The following TNFAIP8L3 variants were observed in gnomAD, a reference collection of about 807,000 sequenced individuals.
TNFAIP8L3 encodes tumor necrosis factor alpha-induced protein 8-like protein 3.
TNFAIP8L3 carries 7 observed loss-of-function variants against 11.8 expected under a neutral mutation model. The observed-to-expected ratio is 0.59, with a 90% CI of 0.34 to 1.11. TNFAIP8L3 has a LOEUF of 1.11. Ranked by LOEUF, TNFAIP8L3 falls within the 50% of genes most tolerant of loss-of-function variation. The pLI is 0.03. For missense variants in TNFAIP8L3, 219 were observed against 258.6 expected (o/e 0.85, Z 1.05); for synonymous variants, 98 against 103.8 (o/e 0.94, Z 0.34).
chr15:51,087,171 A>C (rs1341362099), intron 1 of TNFAIP8L3, among the ~76,000 whole-genome samples: 1 of 152,130 alleles, frequency 6.6e-6, no homozygotes, highest in East Asian at 1.9e-4. Flanking sequence ...CCCAGCTCAC[A>C]ATTTCTTAAA....
At chr15:51,091,359 C>T (rs967860057) in intron 1 of TNFAIP8L3, among the ~76,000 whole-genome samples, 14 of 152,160 alleles carry the variant, frequency 9.2e-5, no homozygotes, top group African/African-American at 3.4e-4. Context: ...TGTCTTTGTC[C>T]TCTGCCAATA....
chr15:51,058,194 T>G lies in TNFAIP8L3; in HGVS notation c.302A>C (p.Glu101Ala). ...LYRNNQFSQE[E>A]LVIVEKFRKK... ...CCGGAACTTCTCCACAATAACCAGCTCCTCTTGGCTAAACTGGTTGTTCCG... is the reference window on the plus strand; with the variant it reads ...CCGGAACTTCTCCACAATAACCAGCGCCTCTTGGCTAAACTGGTTGTTCCG... The change falls in exon 2 of 2, where the codon GAG (glutamate) becomes GCG (alanine). Residue 101 changes from glutamate to alanine, a missense_variant. By Grantham distance (107) the Glu-to-Ala change is moderately radical. Transcript: ENST00000637513. 1 of 1,614,222 alleles carries G rather than the reference T, an allele frequency of 6.2e-7. No individual in the cohort carries two copies. Among genetic ancestry groups the G allele is most frequent in the Non-Finnish European group, 8.5e-7 (1 of 1,180,048 alleles).
At chr15:51,083,445 G>A (rs1332889358) in intron 1 of TNFAIP8L3, among the ~76,000 whole-genome samples, 1 of 152,188 alleles carries the variant, frequency 6.6e-6, no homozygotes, top group Non-Finnish European at 1.5e-5. Context: ...TGTGGGAAGT[G>A]AATGTCACTC....
chr15:51,081,872 A>G (rs779518847), intron 1 of TNFAIP8L3, among the ~76,000 whole-genome samples: 2 of 152,084 alleles, frequency 1.3e-5, no homozygotes, highest in African/African-American at 4.8e-5. Context: ...CCTTTGTCCA[A>G]CAATTTGCTC....
intron 1 of TNFAIP8L3, among the ~76,000 whole-genome samples, chr15:51,061,426 A>G (rs925976542): frequency 6.6e-6 from 1 of 152,256 alleles, no homozygotes; most frequent in African/African-American, 2.4e-5. Context: ...AAATAGTGAC[A>G]TTTTCAAATT....
intron 1 of TNFAIP8L3, among the ~76,000 whole-genome samples, chr15:51,101,635 A>G (rs941061145): frequency 8.6e-5 from 13 of 151,226 alleles, no homozygotes; most frequent in African/African-American, 3.2e-4. Flanking sequence ...CAAAAAAAAA[A>G]AAGAAAGAAA....
chr15:51,075,368 C>A (rs529177989), intron 1 of TNFAIP8L3, among the ~76,000 whole-genome samples: 1 of 152,260 alleles, frequency 6.6e-6, no homozygotes, highest in African/African-American at 2.4e-5. Context: ...AGCAGTAAAC[C>A]CTTTCTCCAT....
intron 1 of TNFAIP8L3, among the ~76,000 whole-genome samples, chr15:51,068,628 C>T (rs1469864371): frequency 6.6e-6 from 1 of 151,426 alleles, no homozygotes; most frequent in African/African-American, 2.4e-5. Flanking sequence ...GTCTCTCTCC[C>T]CTTTGTCGTC....
chr15:51,102,704 C>G (rs1386438769), intron 1 of TNFAIP8L3, among the ~76,000 whole-genome samples: 2 of 152,168 alleles, frequency 1.3e-5, no homozygotes, highest in African/African-American at 4.8e-5. Flanking sequence ...GTCTCTGGCC[C>G]TATTTCAGGA....
At chr15:51,076,945 G>A (rs887101735) in intron 1 of TNFAIP8L3, among the ~76,000 whole-genome samples, 1 of 152,152 alleles carries the variant, frequency 6.6e-6, no homozygotes, top group Non-Finnish European at 1.5e-5. Context: ...GCTGATGCCT[G>A]TGGAGAGGTC....
rs556977738 is a variant in TNFAIP8L3 at position 51,100,139 on chromosome 15, T to C, written c.172+4866A>G. Among the ~76,000 whole-genome samples, 121 of 152,366 alleles carry C rather than the reference T, an allele frequency of 7.9e-4. 2 individuals carry two copies. The highest frequency in any genetic ancestry group is 2.8e-3 in the African/African-American group (118 of 41,584). On this transcript the variant is annotated intron_variant, in intron 1 of 2. Transcript: ENST00000327536. ...AGATAATTTTATTTGACTTGGGATG[T>C]ATCAAGTATTTGTTGAGTATCCTCT...
In TNFAIP8L3 at chr15:51,094,560, C is replaced by T; in HGVS notation, c.36G>A (p.Glu12=). 6.7e-7 allele frequency: 1 copy of T among 1,502,552 alleles called. No homozygotes were observed. The highest frequency in any genetic ancestry group is 8.8e-7 in the Non-Finnish European group (1 of 1,130,534). 93.1% of individuals were successfully genotyped at this position (1,502,552 alleles called of 1,614,324 possible). The part of the protein sequence containing the change: ...DSDSGEQSEG[E]PVTAAGPDVF... ...CCTAGGTACCTGCGGCGGTCACGGG[C>T]TCGCCCTCGCTCTGCTCCCCGGAAT... The change falls in exon 1 of 2, where the codon GAG becomes GAA. Residue 12 remains glutamate, a synonymous_variant. Transcript: ENST00000637513. This position sits in a 1 kb window ranked among gnomAD's most constrained non-coding sequence, Gnocchi z 4.4.
At chr15:51,099,974 A>G (rs1239240842) in intron 1 of TNFAIP8L3, among the ~76,000 whole-genome samples, 1 of 151,806 alleles carries the variant, frequency 6.6e-6, no homozygotes, top group Non-Finnish European at 1.5e-5. Context: ...GCTGTCTAGC[A>G]AAAATCTGAA....
At chr15:51,101,552 T>C (rs60981675) in intron 1 of TNFAIP8L3, among the ~76,000 whole-genome samples, 36,015 of 149,928 alleles carry the variant, frequency 0.24, 4,270 homozygotes, top group East Asian at 0.4. Context: ...ACCCGGGAGG[T>C]TGAGGTTGCA....
chr15:51,099,243 G>A (rs2065533597), upstream of TNFAIP8L3, among the ~76,000 whole-genome samples: 1 of 152,198 alleles, frequency 6.6e-6, no homozygotes, highest in African/African-American at 2.4e-5. Context: ...TGTGGGCAGT[G>A]TGTCCTCTGC....
chr15:51,098,645 A>G (rs1457541592), upstream of TNFAIP8L3, among the ~76,000 whole-genome samples: 1 of 152,264 alleles, frequency 6.6e-6, no homozygotes, highest in Non-Finnish European at 1.5e-5. Flanking sequence ...GCAGATTACT[A>G]GAAAAATTGG....
chr15:51,082,146 G>C (rs906358234), intron 1 of TNFAIP8L3, among the ~76,000 whole-genome samples: 3 of 151,518 alleles, frequency 2.0e-5, no homozygotes, highest in Admixed American at 6.6e-5. Context: ...TCTCAGAAAT[G>C]CATTAGGGGA....
intron 1 of TNFAIP8L3, among the ~76,000 whole-genome samples, chr15:51,086,224 C>G (rs1046688090): frequency 5.9e-5 from 9 of 152,240 alleles, no homozygotes; most frequent in African/African-American, 2.2e-4. Flanking sequence ...CTTCTCTCCT[C>G]TCTCACCAGG....
In TNFAIP8L3 at chr15:51,091,297, G is replaced by C. The variant is rs552277270; in HGVS notation, c.52+3247C>G. On this transcript the variant is annotated intron_variant, in intron 1 of 1. Coordinates refer to ENST00000637513, the MANE Select transcript of TNFAIP8L3 (RefSeq NM_001311175.2). ...GAGAGATCTGCTCTGCACGCACAAA[G>C]TGGGGGGAACTTTGGAAGAGTCTCT... Among the ~76,000 whole-genome samples the C allele has an allele frequency of 1.2e-4, 19 of 152,306 alleles. No individual in the cohort carries two copies. In the East Asian group the frequency reaches 3.5e-3, roughly 28 times the overall value.
Sources: allele counts gnomAD v4.1 joint callset (sites outside exome capture counted in the v4.1 genomes callset), GRCh38; gene constraint gnomAD v4.1.1; non-coding constraint Gnocchi (gnomAD v3.1); transcripts MANE v1.5; gene names NCBI Gene and HGNC (gene_info 2026-07-23, HGNC 2026-07-21).